The following FASTKD3 variants were observed in gnomAD, a reference collection of about 807,000 sequenced individuals.
FASTKD3 encodes the protein FAST kinase domains 3.
FASTKD3 carries 47 observed loss-of-function variants against 49.7 expected under a neutral mutation model. The observed-to-expected ratio is 0.95, with a 90% confidence interval of 0.75 to 1.21. The LOEUF (loss-of-function observed/expected upper bound fraction) is 1.21. FASTKD3 is among the 50% of genes most tolerant of loss of function. The pLI, the probability that FASTKD3 is intolerant of heterozygous loss-of-function variation, is 0.00. For missense variants in FASTKD3, 748 were observed against 765.7 expected, an observed-to-expected ratio of 0.98 and a Z score of 0.27; for synonymous variants, 284 against 288.6, an observed-to-expected ratio of 0.98 and a Z score of 0.16.
chr5:7,860,828 C>T (rs1746484979), intron 6 of FASTKD3, among the ~76,000 whole-genome samples: 1 of 152,320 alleles, frequency 6.6e-6, no homozygotes, highest in African/African-American at 2.4e-5. Flanking sequence ...AGAACTTAAG[C>T]TCAACCAATC....
At position 7,859,503 on chromosome 5, in the gene FASTKD3, G is replaced by A. The variant is rs577450607; in HGVS notation, c.1921C>T (p.Arg641Cys). The A allele has an allele frequency of 5.6e-6, 9 of 1,604,872 alleles. No homozygotes were observed. Among genetic ancestry groups the A allele is most frequent in the South Asian group, 3.3e-5 (3 of 89,558 alleles). Reference protein sequence around the residue: ...YHEIGMLKSRRELVEYLQRKL... With the variant: ...YHEIGMLKSRCELVEYLQRKL... ...CTTTGTAAATATTCCACCAATTCAC[G>A]TCTTGATTTTAGCATCCCAATCTCA... The change falls in exon 7 of 7, where the codon CGT becomes TGT. Residue 641 changes from arginine (R) to cysteine (C), a missense_variant. Coordinates refer to ENST00000264669, the MANE Select transcript of FASTKD3 (RefSeq NM_024091.4).
chr5:7,865,561 A>C (rs1043283785), intron 3 of FASTKD3, among the ~76,000 whole-genome samples: 1 of 152,230 alleles, frequency 6.6e-6, no homozygotes, highest in Non-Finnish European at 1.5e-5. Context: ...CCAGACATTC[A>C]CACTTTGATA....
rs375041307 is a variant in FASTKD3, at chr5:7,863,014, G to A, written c.1525-17C>T. 1.6e-5 allele frequency: 25 copies of A among 1,598,096 alleles called. No homozygotes were observed. In the African/African-American group the frequency reaches 3.0e-4, roughly 19 times the overall value. ...TTTTGGACCCTAAAAAATCATAAGT[G>A]CAAATGTGAGAAAGAAAAATAAGAT... is the stretch of plus-strand genomic sequence containing the variant. On this transcript the variant is annotated splice_polypyrimidine_tract_variant and intron_variant, in intron 3 of 6. Coordinates refer to ENST00000264669, the MANE Select transcript of FASTKD3 (RefSeq NM_024091.4).
rs763134231 is a variant in FASTKD3 at position 7,867,828 on chromosome 5, C to A, written c.256G>T (p.Asp86Tyr). 12 of 1,614,062 alleles carry A rather than the reference C, an allele frequency of 7.4e-6. No individual in the cohort carries two copies. Among genetic ancestry groups the A allele is most frequent in the South Asian group, 3.3e-5 (3 of 91,070 alleles). The change falls in exon 2 of 7, where the codon GAC becomes TAC. Residue 86 changes from aspartate (D) to tyrosine (Y), a missense_variant. Physicochemically the swap from Asp to Tyr is radical, Grantham distance 160. Around this residue, in one of 3 missense-constraint regions of FASTKD3, gnomAD observed 564 missense variants for 562.8 expected, o/e 1.00. Coordinates refer to ENST00000264669, the MANE Select transcript of FASTKD3 (RefSeq NM_024091.4). ...ACATTTTGTTCAAGCCTGTCGCAGTCAGATACTTGAGAGAACACTGGTCCA... is the reference window on the plus strand; with the variant it reads ...ACATTTTGTTCAAGCCTGTCGCAGTAAGATACTTGAGAGAACACTGGTCCA... Reference protein sequence around the residue: ...LGGPVFSQVSDCDRLEQNVKN... With the variant: ...LGGPVFSQVSYCDRLEQNVKN...
intron 3 of FASTKD3, among the ~76,000 whole-genome samples, chr5:7,864,371 T>A (rs1040984171): frequency 6.6e-6 from 1 of 152,114 alleles, no homozygotes; most frequent in Non-Finnish European, 1.5e-5. Flanking sequence ...ATATTATTTT[T>A]AAAAATGTAA....
rs1351462818 is a variant in FASTKD3, at chr5:7,867,146, G to C, written c.938C>G (p.Pro313Arg). 2 of 1,614,002 alleles carry C rather than the reference G, an allele frequency of 1.2e-6. No individual in the cohort carries two copies. Among genetic ancestry groups the C allele is most frequent in the Non-Finnish European group, 1.7e-6 (2 of 1,180,038 alleles). ...LVVLDQSQAF[P>R]LIIKLGKYVV... is the part of the protein sequence containing the mutation. ...ATATTTGCCCAATTTTATAATCAGA[G>C]GAAATGCTTGACTTTGATCAAGAAC... is the stretch of plus-strand genomic sequence containing the variant. The change falls in exon 2 of 7, where the codon CCT (proline) becomes CGT (arginine). Residue 313 changes from proline (P) to arginine (R), a missense_variant. By Grantham distance (103) the Pro-to-Arg change is moderately radical (BLOSUM62 -2). Coordinates refer to ENST00000264669, the MANE Select transcript of FASTKD3 (RefSeq NM_024091.4).
chr5:7,861,552 G>A (rs750289680), intron 5 of FASTKD3, 31 bp downstream of exon 5: 6 of 1,497,794 alleles, frequency 4.0e-6, no homozygotes, highest in Non-Finnish European at 5.4e-6. Flanking sequence ...AACGAGTCTT[G>A]TAATGTGAAA....
rs200671851 is a variant in FASTKD3, at chr5:7,867,515, A to G, written c.569T>C (p.Val190Ala). Residue 190 changes from valine (V) to alanine (A), a missense_variant, in exon 2 of 7, where the codon GTG becomes GCG. Physicochemically the swap from Val to Ala is moderately conservative, Grantham distance 64. This residue lies in a region of FASTKD3 where 564 missense variants were observed against 562.8 expected (regional missense o/e 1.00). Transcript: ENST00000264669. Reference sequence around the variant, plus strand: ...CAGCAACAGGCTACTTTGAGGATCCACATGCAACAGAATCAGAGCTTGCAA... The same window carrying G: ...CAGCAACAGGCTACTTTGAGGATCCGCATGCAACAGAATCAGAGCTTGCAA... ...TALQALILLHVDPQSSLLLNL... is the reference protein window; with the variant it reads ...TALQALILLHADPQSSLLLNL... 8.1e-6 allele frequency: 13 copies of G among 1,614,282 alleles called. No homozygotes were observed. The African/African-American group carries it at 1.7e-4, about 22-fold the overall frequency.
rs767517563 is a variant in FASTKD3, at chr5:7,865,995, A to T, written c.1439-12T>A. 1.9e-6 allele frequency: 3 copies of T among 1,607,262 alleles called. No homozygotes were observed. Among genetic ancestry groups the T allele is most frequent in the Non-Finnish European group, 2.6e-6 (3 of 1,174,690 alleles). The stretch of plus-strand genomic sequence containing the variant: ...ATGAGATTCTTTACCTGAAACAGAA[A>T]GCATCCCAGTCATAGTTACGTCTGA... On this transcript the variant is annotated splice_polypyrimidine_tract_variant and intron_variant, in intron 2 of 6. Coordinates refer to ENST00000264669, the MANE Select transcript of FASTKD3 (RefSeq NM_024091.4).
At position 7,865,882 on chromosome 5, in the gene FASTKD3, T is replaced by C; in HGVS notation, c.1524+16A>G. 6.2e-7 allele frequency: 1 copy of C among 1,600,246 alleles called. No individual in the cohort carries two copies. Among genetic ancestry groups the C allele is most frequent in the Non-Finnish European group, 8.6e-7 (1 of 1,167,492 alleles). On this transcript the variant is annotated intron_variant, in intron 3 of 6. Coordinates refer to ENST00000264669, the MANE Select transcript of FASTKD3 (RefSeq NM_024091.4). ...ACCCATGGGGAAATAAAGCCACATATAGTTCATGCTTTTACCTTATAGAAA... is the reference window on the plus strand; with the variant it reads ...ACCCATGGGGAAATAAAGCCACATACAGTTCATGCTTTTACCTTATAGAAA...
At position 7,868,971 on chromosome 5, in the gene FASTKD3, A is replaced by C. The variant is rs1193892420; in HGVS notation, c.-114+8T>G. 1 of 804,070 alleles carries C rather than the reference A, an allele frequency of 1.2e-6. No homozygotes were observed. The highest frequency in any genetic ancestry group is 2.1e-6 in the Non-Finnish European group (1 of 466,312). 49.8% of individuals were successfully genotyped at this position (804,070 alleles called of 1,614,324 possible). ...CCAACTGCGCGGAGACCCCGCGTTG[A>C]CACCTACCGCGCTCTGCCGGGCAAT... On this transcript the variant is annotated splice_region_variant and intron_variant, in intron 1 of 6. Transcript: ENST00000264669.
rs1746662043 is a variant in FASTKD3 at position 7,862,940 on chromosome 5, G to A, written c.1582C>T (p.Leu528=). Residue 528 remains leucine (L), a synonymous_variant, in exon 4 of 7, where the codon CTG becomes TTG. Coordinates refer to ENST00000264669, the MANE Select transcript of FASTKD3 (RefSeq NM_024091.4). The part of the protein sequence containing the change: ...VKSFLTPCCS[L]ETPVDSQLYR... Reference sequence around the variant, plus strand: ...AGCTGAGAATCCACAGGGGTCTCCAGGGAACAGCATGGGGTAAGAAATGAC... The same window carrying A: ...AGCTGAGAATCCACAGGGGTCTCCAAGGAACAGCATGGGGTAAGAAATGAC... 6.2e-7 allele frequency: 1 copy of A among 1,614,044 alleles called. No individual in the cohort carries two copies. Among genetic ancestry groups the A allele is most frequent in the Non-Finnish European group, 8.5e-7 (1 of 1,179,954 alleles).
At chr5:7,868,562 A>G (rs1055439512) in intron 1 of FASTKD3, among the ~76,000 whole-genome samples, 9 of 152,166 alleles carry the variant, frequency 5.9e-5, no homozygotes, top group Non-Finnish European at 8.8e-5. Context: ...AAATTAGGCG[A>G]GGTTAGAGCA....
rs3733781 is a variant in FASTKD3 at position 7,868,156 on chromosome 5, A to C, written c.-73T>G. 1.3e-6 allele frequency: 1 copy of C among 768,140 alleles called. No homozygotes were observed. Among genetic ancestry groups the C allele is most frequent in the East Asian group, 3.2e-5 (1 of 31,536 alleles). 47.6% of individuals were successfully genotyped at this position (768,140 alleles called of 1,614,324 possible). ...CATGGTTAAATACATTGAGAACATG[A>C]TTGACCCAACATCAATGTTTATGAA... On this transcript the variant is annotated 5_prime_UTR_variant, in exon 2 of 7. Coordinates refer to ENST00000264669, the MANE Select transcript of FASTKD3 (RefSeq NM_024091.4).
chr5:7,866,983 A>G lies in FASTKD3; in HGVS notation c.1101T>C (p.Asp367=). 1.2e-6 allele frequency: 2 copies of G among 1,614,210 alleles called. No individual in the cohort carries two copies. Among genetic ancestry groups the G allele is most frequent in the Non-Finnish European group, 1.7e-6 (2 of 1,180,050 alleles). Residue 367 remains aspartate, a synonymous_variant, in exon 2 of 7, where the codon GAT becomes GAC. Transcript: ENST00000264669. ...CCATGACCCTGCAGACAACTTCAGG[A>G]TCCAACGTGAGGCACACCGCAGCTA... is the stretch of plus-strand genomic sequence containing the variant. ...HRVAAVCLTL[D]PEVVCRVMEY...
chr5:7,867,855 C>G lies in FASTKD3; in HGVS notation c.229G>C (p.Gly77Arg). ...SKNGNDLHPL[G>R]GPVFSQVSDC... ...GATACTTGAGAGAACACTGGTCCAC[C>G]GAGTGGATGAAGGTCATTTCCATTT... is the stretch of plus-strand genomic sequence containing the variant. Residue 77 changes from glycine to arginine, a missense_variant, in exon 2 of 7, where the codon GGT becomes CGT. By Grantham distance (125) the Gly-to-Arg change is moderately radical (BLOSUM62 -2). This residue lies in a region of FASTKD3 where 564 missense variants were observed against 562.8 expected (regional missense o/e 1.00). Coordinates refer to ENST00000264669, the MANE Select transcript of FASTKD3 (RefSeq NM_024091.4). 6.2e-7 allele frequency: 1 copy of G among 1,614,144 alleles called. No individual in the cohort carries two copies. Among genetic ancestry groups the G allele is most frequent in the Admixed American group, 1.7e-5 (1 of 60,018 alleles).
At position 7,862,933 on chromosome 5, in the gene FASTKD3, G is replaced by T. The variant is rs1442959676; in HGVS notation, c.1589C>A (p.Thr530Asn). 5 of 1,613,786 alleles carry T rather than the reference G, an allele frequency of 3.1e-6. No individual in the cohort carries two copies. Among genetic ancestry groups the T allele is most frequent in the East Asian group, 2.2e-5 (1 of 44,874 alleles). The change falls in exon 4 of 7, where the codon ACC becomes AAC. Residue 530 changes from threonine (T) to asparagine (N), a missense_variant. By Grantham distance (65) the Thr-to-Asn change is moderately conservative (BLOSUM62 0). Transcript: ENST00000264669. The stretch of plus-strand genomic sequence containing the variant: ...TCTATAAAGCTGAGAATCCACAGGG[G>T]TCTCCAGGGAACAGCATGGGGTAAG... ...SFLTPCCSLE[T>N]PVDSQLYRYV... is the part of the protein sequence containing the mutation.
At chr5:7,866,605 G>A (rs1283324385) in intron 2 of FASTKD3, 41 bp downstream of exon 2, 1 of 1,440,352 alleles carries the variant, frequency 6.9e-7, no homozygotes, top group Non-Finnish European at 9.4e-7. Flanking sequence ...CCAGTTCAAA[G>A]GTTACTTTTT....
intron 3 of FASTKD3, among the ~76,000 whole-genome samples, chr5:7,865,162 C>T (rs16879249): frequency 0.017 from 2,548 of 152,204 alleles, 72 homozygotes; most frequent in African/African-American, 0.058. Flanking sequence ...TATCTGTATA[C>T]ATTTGGGCGT....
Sources: gnomAD v4.1 joint callset for allele counts (sites outside exome capture counted in the v4.1 genomes callset) on GRCh38, gnomAD v4.1.1 for gene constraint, gnomAD v4.1.1 regional missense constraint, MANE v1.5 for transcripts, NCBI Gene and HGNC (gene_info 2026-07-23, HGNC 2026-07-21) for gene names.